MARCHF1: variants seen among roughly 807,000 people sequenced by gnomAD.
MARCHF1 encodes membrane associated ring-CH-type finger 1, also known as E3 ubiquitin-protein ligase MARCHF1.
Under a neutral mutation model 54.2 loss-of-function variants are expected in MARCHF1, and 40 were observed. The observed-to-expected ratio is 0.74, with a 90% CI of 0.57 to 0.96. MARCHF1 has a LOEUF of 0.96. Among genes scored for constraint, MARCHF1 ranks in the 40% least tolerant of loss-of-function variants. The probability of loss-of-function intolerance (pLI) is 0.00; values close to 1 mark genes in which losing one functional copy is unlikely to be tolerated. For missense variants in MARCHF1, 586 were observed against 656.5 expected (o/e 0.89, Z 1.17); for synonymous variants, 236 against 236.3 (o/e 1.00, Z 0.01).
chr4:164,206,194 T>TGGG (rs1731600606), intron 1 of MARCHF1, among the ~76,000 whole-genome samples: 1 of 152,196 alleles, frequency 6.6e-6, no homozygotes, highest in African/African-American at 2.4e-5. Flanking sequence ...CCCAGCACTT[T>TGGG]GGGAGGCTCA....
At chr4:163,596,270 G>A (rs777874988) in intron 7 of MARCHF1, among the ~76,000 whole-genome samples, 32 of 152,020 alleles carry the variant, frequency 2.1e-4, no homozygotes, top group Non-Finnish European at 4.6e-4. Flanking sequence ...GCTGGGCGCC[G>A]ATGGCTCACA....
intron 5 of MARCHF1, among the ~76,000 whole-genome samples, chr4:163,635,812 T>C (rs567653211): frequency 6.6e-6 from 1 of 152,278 alleles, no homozygotes; most frequent in African/African-American, 2.4e-5. Flanking sequence ...TTTAGACCAA[T>C]ATCCCTGATG....
chr4:164,346,235 A>T (rs1730092371), intron 1 of MARCHF1, among the ~76,000 whole-genome samples: 1 of 152,148 alleles, frequency 6.6e-6, no homozygotes, highest in Non-Finnish European at 1.5e-5. Flanking sequence ...TGAGTCTCTT[A>T]GGAGTTGAGC....
At chr4:163,964,702 A>G (rs555234308) in intron 3 of MARCHF1, among the ~76,000 whole-genome samples, 3 of 151,854 alleles carry the variant, frequency 2.0e-5, no homozygotes, top group Non-Finnish European at 4.4e-5. Flanking sequence ...CCTTGTTTCT[A>G]TAACCCTTTT....
At chr4:163,678,545 A>G (rs1269619801) in intron 5 of MARCHF1, among the ~76,000 whole-genome samples, 1 of 152,202 alleles carries the variant, frequency 6.6e-6, no homozygotes, top group Non-Finnish European at 1.5e-5. Flanking sequence ...TAAATCTCAC[A>G]CTAGGTAATT....
At chr4:164,340,331 G>A (rs1171720779) in intron 1 of MARCHF1, among the ~76,000 whole-genome samples, 2 of 145,290 alleles carry the variant, frequency 1.4e-5, no homozygotes, top group African/African-American at 5.0e-5. Context: ...CTGCCTCCTG[G>A]GCTGAAGCAA....
chr4:163,727,049 T>C (rs561318459), intron 4 of MARCHF1, among the ~76,000 whole-genome samples: 1 of 152,338 alleles, frequency 6.6e-6, no homozygotes, highest in South Asian at 2.1e-4. Flanking sequence ...CAGTGCCTTT[T>C]GCAGCGAAGT....
At chr4:163,691,490 G>A (rs1388624269) in intron 5 of MARCHF1, among the ~76,000 whole-genome samples, 1 of 152,124 alleles carries the variant, frequency 6.6e-6, no homozygotes, top group Non-Finnish European at 1.5e-5. Context: ...ATTATGGCCT[G>A]ATAAGAGAAT....
At chr4:163,590,552 C>T (rs1413844214) in intron 7 of MARCHF1, among the ~76,000 whole-genome samples, 2 of 152,108 alleles carry the variant, frequency 1.3e-5, no homozygotes, top group African/African-American at 4.8e-5. Flanking sequence ...TATACTGCCA[C>T]TCTTCAAGAA....
chr4:164,287,826 T>C (rs1020179445), intron 1 of MARCHF1, among the ~76,000 whole-genome samples: 3 of 152,132 alleles, frequency 2.0e-5, no homozygotes, highest in East Asian at 1.9e-4. Flanking sequence ...CTCTTTAGAA[T>C]AGCTAATGCT....
chr4:164,249,581 C>G (rs1254334008), intron 1 of MARCHF1, among the ~76,000 whole-genome samples: 1 of 151,778 alleles, frequency 6.6e-6, no homozygotes, highest in Admixed American at 6.6e-5. Flanking sequence ...ATCAGGGAAT[C>G]CCTTGAAAAT....
At chr4:164,324,425 A>G (rs969892085) in intron 1 of MARCHF1, among the ~76,000 whole-genome samples, 23 of 151,906 alleles carry the variant, frequency 1.5e-4, no homozygotes, top group Admixed American at 1.3e-3. Context: ...AAATATAATC[A>G]AAGAAAAAAA....
chr4:163,679,822 G>T (rs1028553913), intron 5 of MARCHF1, among the ~76,000 whole-genome samples: 2 of 151,552 alleles, frequency 1.3e-5, no homozygotes, highest in African/African-American at 2.4e-5. Flanking sequence ...CCGTGGTCTC[G>T]ATCTCCTGAC....
At chr4:163,768,852 T>C (rs1747067507) in intron 4 of MARCHF1, among the ~76,000 whole-genome samples, 1 of 152,192 alleles carries the variant, frequency 6.6e-6, no homozygotes, top group South Asian at 2.1e-4. Flanking sequence ...CATAGGGGGA[T>C]AGGATTAAAT....
Position 163,633,614 on chromosome 4 carries a change from G to A in MARCHF1, c.163-20221C>T, listed in dbSNP as rs1281975910. On this transcript the variant is annotated intron_variant, in intron 5 of 9. Transcript: ENST00000514618. ...GACTATGTAAAAAGACCAAATCTAC[G>A]TCTGATTGGTATACCTGAAAGTGAT... Among the ~76,000 whole-genome samples, 7 of 152,292 alleles carry A rather than the reference G, an allele frequency of 4.6e-5. No individual in the cohort carries two copies. In the Middle Eastern group the frequency reaches 0.01, roughly 222 times the overall value.
chr4:163,736,663 T>C (rs886646867), intron 4 of MARCHF1, among the ~76,000 whole-genome samples: 7 of 152,136 alleles, frequency 4.6e-5, no homozygotes, highest in African/African-American at 1.4e-4. Flanking sequence ...GCCTAAGACA[T>C]ATAGGGCTAA....
intron 4 of MARCHF1, among the ~76,000 whole-genome samples, chr4:163,764,722 C>T (rs943448085): frequency 3.9e-5 from 6 of 151,960 alleles, no homozygotes; most frequent in East Asian, 1.9e-4. Flanking sequence ...CTCTATTAGA[C>T]GTAAAGGTGA....
chr4:164,044,385 G>GGA (rs371898741), intron 2 of MARCHF1, among the ~76,000 whole-genome samples: 1 of 151,766 alleles, frequency 6.6e-6, no homozygotes, highest in African/African-American at 2.4e-5. Context: ...CGTGGTGGCA[G>GGA]GAGAGAGAGA....
intron 2 of MARCHF1, among the ~76,000 whole-genome samples, chr4:164,039,913 T>G (rs968528651): frequency 6.7e-6 from 1 of 149,972 alleles, no homozygotes; most frequent in Middle Eastern, 3.5e-3. Context: ...CAAAGTAAAA[T>G]AGGCCAAGAA....
Sources: allele counts gnomAD v4.1 joint callset (sites outside exome capture counted in the v4.1 genomes callset), GRCh38; gene constraint gnomAD v4.1.1; transcripts MANE v1.5; gene names NCBI Gene and HGNC (gene_info 2026-07-23, HGNC 2026-07-21).